Variants in PDE8B observed in about 807,000 individuals in gnomAD.
PDE8B encodes the protein high affinity cAMP-specific and IBMX-insensitive 3',5'-cyclic phosphodiesterase 8B.
A neutral mutation model predicts 101.3 loss-of-function variants in PDE8B; 26 were observed. The observed-to-expected ratio is 0.26, with a 90% confidence interval of 0.19 to 0.36. The LOEUF (loss-of-function observed/expected upper bound fraction) is 0.36, where lower values mean the gene tolerates loss of function less well. Ranked by LOEUF, PDE8B falls within the 10% of genes least tolerant of loss-of-function variation. The pLI is 1.00. For missense variants in PDE8B, 810 were observed against 1,163.1 expected (o/e 0.70, Z 4.42); for synonymous variants, 424 against 429.3 (o/e 0.99, Z 0.15).
intron 10 of PDE8B, among the ~76,000 whole-genome samples, chr5:77,362,243 T>C (rs906763931): frequency 1.3e-5 from 2 of 152,240 alleles, no homozygotes; most frequent in Non-Finnish European, 2.9e-5. Context: ...GATTGTTTGA[T>C]TTTCTGGAAT....
At chr5:77,226,156 T>C in intron 1 of PDE8B, among the ~76,000 whole-genome samples, 1 of 150,218 alleles carries the variant, frequency 6.7e-6, no homozygotes, top group Non-Finnish European at 1.5e-5. Flanking sequence ...TTTAGTTTAG[T>C]GTTATAAGAA....
the PDE8B span, among the ~76,000 whole-genome samples, chr5:77,171,387 A>AT: frequency 6.6e-6 from 1 of 152,204 alleles, no homozygotes; most frequent in South Asian, 2.1e-4. Context: ...GGAATTTGAA[A>AT]TGCCAAGCAT....
chr5:77,188,762 G>A, the PDE8B span, among the ~76,000 whole-genome samples: 17 of 152,222 alleles, frequency 1.1e-4, no homozygotes, highest in Non-Finnish European at 1.9e-4. Context: ...TATTGTCTAG[G>A]ACATTTGAGT....
chr5:77,332,404 G>C (rs550008817), intron 5 of PDE8B, among the ~76,000 whole-genome samples: 14 of 152,252 alleles, frequency 9.2e-5, no homozygotes, highest in African/African-American at 3.1e-4. Flanking sequence ...AGCATCCTGT[G>C]ACCTCCTGGC....
At chr5:77,227,797 G>T (rs1343532464) in intron 1 of PDE8B, among the ~76,000 whole-genome samples, 1 of 152,196 alleles carries the variant, frequency 6.6e-6, no homozygotes, top group African/African-American at 2.4e-5. Flanking sequence ...GCTTAACTGG[G>T]CATCAAGCAC....
chr5:77,359,955 G>A (rs1782790092), intron 10 of PDE8B, among the ~76,000 whole-genome samples: 2 of 151,978 alleles, frequency 1.3e-5, no homozygotes, highest in African/African-American at 4.8e-5. Flanking sequence ...AATTAGCCAG[G>A]CGTGGTGCAC....
chr5:77,210,515 C>T, upstream of PDE8B: 1 of 561,238 alleles, frequency 1.8e-6, no homozygotes, highest in Non-Finnish European at 2.3e-6. This position sits in a 1 kb window ranked among gnomAD's most constrained non-coding sequence, Gnocchi z 4.9. Flanking sequence ...GGCGGGCAGG[C>T]GGGCGGGCGC....
At chr5:77,235,362 T>C (rs72766903) in intron 1 of PDE8B, among the ~76,000 whole-genome samples, 20,139 of 152,144 alleles carry the variant, frequency 0.13, 1,864 homozygotes, top group East Asian at 0.5. Flanking sequence ...ACGTCCAGCA[T>C]TTTGCCTCCA....
chr5:77,186,142 C>T, the PDE8B span, among the ~76,000 whole-genome samples: 271 of 152,270 alleles, frequency 1.8e-3, 1 homozygote, highest in African/African-American at 6.3e-3. Flanking sequence ...AGCCTGTGTC[C>T]CAGCATCACA....
In PDE8B at chr5:77,211,987, AC is replaced by A. The variant is rs1427748456; in HGVS notation, c.339+724del. On this transcript the variant is annotated intron_variant, in intron 1 of 21. Transcript: ENST00000264917. The surrounding 1 kb of genome is among the most constrained non-coding windows in gnomAD (Gnocchi z 4.1). ...GCTGTCTGAGGATGATTCTGCACAT[AC>A]AACTGATCTTCCCAGAGAGTGGGAT... 6.6e-6 allele frequency among the ~76,000 whole-genome samples: 1 copy of A among 152,220 alleles called. No homozygotes were observed. The highest frequency in any genetic ancestry group is 2.4e-5 in the African/African-American group (1 of 41,458).
At chr5:77,370,954 G>A (rs1490425601) in intron 10 of PDE8B, among the ~76,000 whole-genome samples, 1 of 152,168 alleles carries the variant, frequency 6.6e-6, no homozygotes, top group East Asian at 1.9e-4. Context: ...TTTGTAAAGT[G>A]TCTACTCAAA....
intron 12 of PDE8B, 51 bp downstream of exon 12, chr5:77,404,848 G>A: frequency 8.6e-7 from 1 of 1,158,280 alleles, no homozygotes; most frequent in Non-Finnish European, 1.3e-6. Flanking sequence ...AGAAAATGAT[G>A]GAAGAATATG....
At chr5:77,205,109 G>T in the PDE8B span, among the ~76,000 whole-genome samples, 1 of 152,172 alleles carries the variant, frequency 6.6e-6, no homozygotes, top group Non-Finnish European at 1.5e-5. Context: ...AGGAAGGACA[G>T]ATCACTTTTG....
the PDE8B span, among the ~76,000 whole-genome samples, chr5:77,136,448 A>G: frequency 6.6e-6 from 1 of 152,196 alleles, no homozygotes; most frequent in Admixed American, 6.5e-5. Flanking sequence ...TTTTAAAAGC[A>G]CTTATCTAAA....
chr5:77,096,114 C>T, the PDE8B span, among the ~76,000 whole-genome samples: 1 of 152,024 alleles, frequency 6.6e-6, no homozygotes, highest in East Asian at 1.9e-4. Flanking sequence ...CTCAGACTCC[C>T]CAGTAGCTGG....
chr5:77,257,901 A>G (rs1489809262), intron 1 of PDE8B, among the ~76,000 whole-genome samples: 1 of 152,026 alleles, frequency 6.6e-6, no homozygotes. Flanking sequence ...GGCTACATGC[A>G]ACACTCTTTT....
At chr5:77,158,613 G>T in the PDE8B span, among the ~76,000 whole-genome samples, 3 of 152,182 alleles carry the variant, frequency 2.0e-5, no homozygotes, top group African/African-American at 7.2e-5. Flanking sequence ...TGGAGCCTGG[G>T]TGGGTGGCCT....
chr5:77,384,409 C>A (rs1788128200), intron 10 of PDE8B, among the ~76,000 whole-genome samples: 1 of 152,146 alleles, frequency 6.6e-6, no homozygotes, highest in South Asian at 2.1e-4. Context: ...AATATACAAT[C>A]ATGTCATCTG....
chr5:77,171,134 A>G, the PDE8B span, among the ~76,000 whole-genome samples: 1 of 152,238 alleles, frequency 6.6e-6, no homozygotes, highest in Non-Finnish European at 1.5e-5. Flanking sequence ...TTGATCATTT[A>G]CGAAGGCGAA....
Sources: gnomAD v4.1 joint callset for allele counts (sites outside exome capture counted in the v4.1 genomes callset) on GRCh38, gnomAD v4.1.1 for gene constraint, Gnocchi (gnomAD v3.1) non-coding constraint, MANE v1.5 for transcripts, NCBI Gene and HGNC (gene_info 2026-07-23, HGNC 2026-07-21) for gene names.